The following NRROS variants were observed in gnomAD, a reference collection of about 807,000 sequenced individuals.
NRROS encodes the protein negative regulator of reactive oxygen species.
In NRROS, 6 loss-of-function variants were observed where a neutral mutation model predicts 12.0. The ratio of observed to expected loss-of-function variants is 0.50; its 90% confidence interval spans 0.27 to 0.98. NRROS has a LOEUF of 0.98. Ranked by LOEUF, NRROS falls within the 50% of genes least tolerant of loss-of-function variation. The pLI is 0.11. For missense variants in NRROS, 857 were observed against 888.2 expected (o/e 0.96, Z 0.45); for synonymous variants, 462 against 410.2 (o/e 1.13, Z -1.53).
At chr3:196,646,537 G>A (rs1684453) in intron 1 of NRROS, among the ~76,000 whole-genome samples, 91,862 of 151,962 alleles carry the variant, frequency 0.6, 29,395 homozygotes, top group African/African-American at 0.83. Flanking sequence ...GGACGAGGTG[G>A]GCTGACCTCT....
chr3:196,661,591 C>A lies in NRROS; in HGVS notation c.1948C>A (p.Leu650Met). The change falls in exon 3 of 3, where the codon CTG (leucine) becomes ATG (methionine). Residue 650 changes from leucine (L) to methionine (M), a missense_variant. Transcript: ENST00000328557. ...DCKWERLDLG[L>M]LYLVLILPSC... The stretch of plus-strand genomic sequence containing the variant: ...CAAGTGGGAGCGGCTGGACCTGGGC[C>A]TGCTCTACCTCGTGCTCATCCTCCC... 1 of 1,613,818 alleles carries A rather than the reference C, an allele frequency of 6.2e-7. No homozygotes were observed. The highest frequency in any genetic ancestry group is 1.3e-5 in the African/African-American group (1 of 75,060).
intron 1 of NRROS, among the ~76,000 whole-genome samples, chr3:196,640,678 G>T (rs75696079): frequency 6.6e-6 from 1 of 152,226 alleles, no homozygotes; most frequent in Non-Finnish European, 1.5e-5. Context: ...GTACCCAGGA[G>T]CTAGACGGAA....
chr3:196,657,724 G>C (rs1316522126), intron 2 of NRROS, among the ~76,000 whole-genome samples: 1 of 131,322 alleles, frequency 7.6e-6, no homozygotes, highest in East Asian at 2.1e-4. Context: ...AAAAAAAAAA[G>C]ATAAAAATTC....
intron 1 of NRROS, among the ~76,000 whole-genome samples, chr3:196,651,835 G>T (rs1419655953): frequency 1.3e-5 from 2 of 152,294 alleles, no homozygotes; most frequent in South Asian, 2.1e-4. Flanking sequence ...GGGGTCAGCG[G>T]AAGAAACTCT....
At chr3:196,643,097 C>A (rs201537053) in intron 1 of NRROS, among the ~76,000 whole-genome samples, 14 of 150,762 alleles carry the variant, frequency 9.3e-5, no homozygotes, top group Admixed American at 8.6e-4. Context: ...AAAAGATAAT[C>A]GCTTTCATGT....
In NRROS at chr3:196,660,261, G is replaced by A. The variant is rs963824582; in HGVS notation, c.618G>A (p.Glu206=). ...GCGGCGCTTTCGACGGCCTGGCTGA[G>A]CTGAGGCACCTCAACCTGGCCTTCA... ...IEGGAFDGLA[E]LRHLNLAFNN... Residue 206 remains glutamate (E), a synonymous_variant, in exon 3 of 3, where the codon GAG becomes GAA. Transcript: ENST00000328557. This position sits in a 1 kb window ranked among gnomAD's most constrained non-coding sequence, Gnocchi z 7.7. 3 of 1,613,862 alleles carry A rather than the reference G, an allele frequency of 1.9e-6. No homozygotes were observed. The East Asian group carries it at 6.7e-5, about 36-fold the overall frequency.
intron 2 of NRROS, among the ~76,000 whole-genome samples, chr3:196,658,690 G>A (rs1186130254): frequency 1.3e-5 from 2 of 152,190 alleles, no homozygotes; most frequent in African/African-American, 2.4e-5. Context: ...TTCTGGCCGG[G>A]CACGGTGGCT....
At chr3:196,656,563 A>G (rs546575753) in intron 2 of NRROS, among the ~76,000 whole-genome samples, 128 of 152,372 alleles carry the variant, frequency 8.4e-4, no homozygotes, top group Non-Finnish European at 1.6e-3. Context: ...AGTGCCTGGT[A>G]GGTAGTCAGT....
chr3:196,641,643 G>C (rs1384295781), intron 1 of NRROS, among the ~76,000 whole-genome samples: 1 of 152,210 alleles, frequency 6.6e-6, no homozygotes, highest in Non-Finnish European at 1.5e-5. Context: ...ACAGAGAGCA[G>C]ACGCCTAGTA....
At position 196,660,984 on chromosome 3, in the gene NRROS, G is replaced by A. The variant is rs561928017; in HGVS notation, c.1341G>A (p.Ser447=). The change falls in exon 3 of 3, where the codon TCG becomes TCA. Residue 447 remains serine, a synonymous_variant. Coordinates refer to ENST00000328557, the MANE Select transcript of NRROS (RefSeq NM_198565.3). This position sits in a 1 kb window ranked among gnomAD's most constrained non-coding sequence, Gnocchi z 7.7. The part of the protein sequence containing the change: ...QISLCPLPAA[S]DRVGPPSCVD... ...CACTTTGTCCCCTGCCAGCTGCCTCGGACCGGGTGGGCCCCCCTAGCTGTG... is the reference window on the plus strand; with the variant it reads ...CACTTTGTCCCCTGCCAGCTGCCTCAGACCGGGTGGGCCCCCCTAGCTGTG... 24 of 1,614,036 alleles carry A rather than the reference G, an allele frequency of 1.5e-5. 1 individual carries two copies. The Middle Eastern group carries it at 4.9e-4, about 33-fold the overall frequency.
chr3:196,646,319 T>C (rs1737310835), intron 1 of NRROS, among the ~76,000 whole-genome samples: 1 of 152,230 alleles, frequency 6.6e-6, no homozygotes. Flanking sequence ...AACAAACTTG[T>C]GATACTGAAG....
chr3:196,643,198 C>T (rs979178846), intron 1 of NRROS, among the ~76,000 whole-genome samples: 6 of 151,960 alleles, frequency 3.9e-5, no homozygotes, highest in African/African-American at 1.5e-4. Flanking sequence ...GGGGTTGTTA[C>T]CAGAAGGAGA....
At chr3:196,648,645 A>T (rs558158003) in intron 1 of NRROS, among the ~76,000 whole-genome samples, 3 of 151,806 alleles carry the variant, frequency 2.0e-5, no homozygotes, top group South Asian at 4.2e-4. Flanking sequence ...GCATGCCTGT[A>T]ATCCCAGCTA....
At chr3:196,643,889 G>C (rs778745137) in intron 1 of NRROS, among the ~76,000 whole-genome samples, 2 of 151,980 alleles carry the variant, frequency 1.3e-5, no homozygotes, top group African/African-American at 2.4e-5. Context: ...CTCTGTGGTC[G>C]TCAGACACCA....
Position 196,654,310 on chromosome 3 carries a change from G to C in NRROS, c.-13-217G>C, listed in dbSNP as rs1423135275. 1.3e-5 allele frequency among the ~76,000 whole-genome samples: 2 copies of C among 152,214 alleles called. No individual in the cohort carries two copies. The highest frequency in any genetic ancestry group is 2.9e-5 in the Non-Finnish European group (2 of 68,030). On this transcript the variant is annotated intron_variant, in intron 1 of 2. Transcript: ENST00000328557. This position sits in a 1 kb window ranked among gnomAD's most constrained non-coding sequence, Gnocchi z 4.4. Reference sequence around the variant, plus strand: ...AGCCACCCGTCCATCAAGTGGTAGAGGCAAAATGAAATTGAGTTCTTGTCA... The same window carrying C: ...AGCCACCCGTCCATCAAGTGGTAGACGCAAAATGAAATTGAGTTCTTGTCA...
chr3:196,659,336 T>C (rs1006848968), intron 2 of NRROS, among the ~76,000 whole-genome samples: 1 of 145,040 alleles, frequency 6.9e-6, no homozygotes, highest in African/African-American at 2.5e-5. Flanking sequence ...AGTCTTGCTC[T>C]GTCGCCCAGG....
rs1400459429 is a variant in NRROS at position 196,658,804 on chromosome 3, TA to T, written c.109-943del. Among the ~76,000 whole-genome samples, 9 of 152,110 alleles carry T rather than the reference TA, an allele frequency of 5.9e-5. No homozygotes were observed. The East Asian group carries it at 1.4e-3, about 23-fold the overall frequency. ...CAACATGGTGAAACCCCGTCTCTAC[TA>T]AAAATACAAAAAAAGTTAGCTGGGC... On this transcript the variant is annotated intron_variant, in intron 2 of 2. Transcript: ENST00000328557.
At position 196,660,524 on chromosome 3, in the gene NRROS, C is replaced by G; in HGVS notation, c.881C>G (p.Ser294Trp). Residue 294 changes from serine to tryptophan, a missense_variant, in exon 3 of 3, where the codon TCG (serine) becomes TGG (tryptophan). Physicochemically the swap from Ser to Trp is radical, Grantham distance 177. Transcript: ENST00000328557. This position sits in a 1 kb window ranked among gnomAD's most constrained non-coding sequence, Gnocchi z 7.7. ...MGFYRDLYNT[S>W]SPREMVAQFL... ...TTCTACCGGGACCTGTACAACACCT[C>G]GTCGCCGAGGGAGATGGTGGCCCAG... 6.2e-7 allele frequency: 1 copy of G among 1,614,166 alleles called. No individual in the cohort carries two copies. The highest frequency in any genetic ancestry group is 8.5e-7 in the Non-Finnish European group (1 of 1,180,040).
rs1434490764 is a variant in NRROS, at chr3:196,639,892, T to G, written c.-14+17T>G. 1 of 152,264 alleles carries G rather than the reference T, an allele frequency of 6.6e-6. No individual in the cohort carries two copies. Among genetic ancestry groups the G allele is most frequent in the African/African-American group, 2.4e-5 (1 of 41,450 alleles). The allele number at this position is 152,264 out of a possible 1,614,324, so 9.4% of individuals were successfully genotyped here. ...GCGGGAGCCGTGAGTATTTCCCGCG[T>G]GGGGGCGTCCCCGGGGCACAGCCGG... On this transcript the variant is annotated intron_variant, in intron 1 of 2. Coordinates refer to ENST00000328557, the MANE Select transcript of NRROS (RefSeq NM_198565.3).
Sources: gnomAD v4.1 joint callset for allele counts (sites outside exome capture counted in the v4.1 genomes callset) on GRCh38, gnomAD v4.1.1 for gene constraint, Gnocchi (gnomAD v3.1) non-coding constraint, MANE v1.5 for transcripts, NCBI Gene and HGNC (gene_info 2026-07-23, HGNC 2026-07-21) for gene names.